The following DCPS variants were observed in gnomAD, a reference collection of about 807,000 sequenced individuals.
DCPS encodes the protein m7GpppX diphosphatase.
DCPS carries 27 observed loss-of-function variants against 34.7 expected under a neutral mutation model. The observed-to-expected ratio is 0.78, with a 90% CI of 0.57 to 1.07. The LOEUF is 1.07. DCPS is among the 50% of genes least tolerant of loss of function. The pLI is 0.00. For missense variants in DCPS, 464 were observed against 436.9 expected (o/e 1.06, Z -0.55); for synonymous variants, 185 against 185.7 (o/e 1.00, Z 0.03).
intron 2 of DCPS, among the ~76,000 whole-genome samples, chr11:126,308,520 TG>T (rs1208352354): frequency 6.6e-6 from 1 of 152,220 alleles, no homozygotes; most frequent in Non-Finnish European, 1.5e-5. Context: ...CCAGATTAAT[TG>T]GTGCAAGTTG....
chr11:126,343,157 G>A (rs892368252), intron 4 of DCPS, 150 bp from the exon 5 acceptor site: 29 of 608,258 alleles, frequency 4.8e-5, no homozygotes, highest in Admixed American at 3.7e-4. Context: ...CATCCCACAC[G>A]CCCGGGGTAT....
rs1458493331 is a variant in DCPS, at chr11:126,346,521, C to T, written c.*908C>T. Among the ~76,000 whole-genome samples the T allele has an allele frequency of 2.0e-5, 3 of 152,194 alleles. No individual in the cohort carries two copies. The highest frequency in any genetic ancestry group is 1.9e-4 in the East Asian group (1 of 5,192). On this transcript the variant is annotated 3_prime_UTR_variant, in exon 6 of 6. Transcript: ENST00000263579. This position sits in a 1 kb window ranked among gnomAD's most constrained non-coding sequence, Gnocchi z 4.1. ...TAGGCAGCCAACAGGGCTCAAGCGG[C>T]GCAGGGACATGGCTTGTATGGGCGG...
At chr11:126,306,918 G>A (rs749248229) in intron 2 of DCPS, among the ~76,000 whole-genome samples, 174 bp downstream of exon 2, 4 of 152,068 alleles carry the variant, frequency 2.6e-5, no homozygotes, top group Admixed American at 1.3e-4. Context: ...TGTCAGAATC[G>A]GGGGTGGTGG....
chr11:126,336,577 T>C lies in DCPS; in HGVS notation c.523-1709T>C, dbSNP rs1226325251. On this transcript the variant is annotated intron_variant, in intron 3 of 5. Coordinates refer to ENST00000263579, the MANE Select transcript of DCPS (RefSeq NM_014026.6). This position sits in a 1 kb window ranked among gnomAD's most constrained non-coding sequence, Gnocchi z 6.3. ...ACTAGTCACAGGCAGATGCCCCTTT[T>C]CTGTGAATCAGGGACTGGCCGTGGG... 1 of 152,246 alleles carries C rather than the reference T, an allele frequency of 6.6e-6. No individual in the cohort carries two copies. The highest frequency in any genetic ancestry group is 1.5e-5 in the Non-Finnish European group (1 of 68,082). The allele number at this position is 152,246 out of a possible 1,614,324, so 9.4% of individuals were successfully genotyped here. A position where few individuals can be genotyped will look rare whatever the true frequency, so the allele number is the denominator to read the frequency against.
Position 126,347,091 on chromosome 11 carries a change from T to TA in DCPS, c.*1485dup, listed in dbSNP as rs1288726072. 1.3e-5 allele frequency among the ~76,000 whole-genome samples: 2 copies of TA among 151,490 alleles called. No homozygotes were observed. The highest frequency in any genetic ancestry group is 2.0e-4 in the East Asian group (1 of 5,086). ...AAGACTCCCTCTCAGAAAAAAAAAT[T>TA]AAAAAAATAGAAACAGCCGGGGAGT... On this transcript the variant is annotated 3_prime_UTR_variant, in exon 6 of 6. Coordinates refer to ENST00000263579, the MANE Select transcript of DCPS (RefSeq NM_014026.6). The surrounding 1 kb of genome is among the most constrained non-coding windows in gnomAD (Gnocchi z 4.2).
chr11:126,328,261 C>CTGT lies in DCPS; in HGVS notation c.377-3143_377-3141dup, dbSNP rs910115438. On this transcript the variant is annotated intron_variant, in intron 2 of 5. Transcript: ENST00000263579. The surrounding 1 kb of genome is among the most constrained non-coding windows in gnomAD (Gnocchi z 6.6). ...TAGTCCACGGCAGGAAGCGCGGGAGCTGTGGAGCAGGGGACAGTTTGAGGG... is the reference window on the plus strand; with the variant it reads ...TAGTCCACGGCAGGAAGCGCGGGAGCTGTTGTGGAGCAGGGGACAGTTTGAGGG... 1.3e-5 allele frequency among the ~76,000 whole-genome samples: 2 copies of CTGT among 152,148 alleles called. No homozygotes were observed. The highest frequency in any genetic ancestry group is 4.8e-5 in the African/African-American group (2 of 41,436).
rs112209917 is a variant in DCPS, at chr11:126,333,865, T to TTC, written c.522+2341_522+2342dup. ...ACGCTTCAGGGAGTGGAGCTGGGAA[T>TTC]TCTCTCTCTCTCTCTCTCTCTCTCT... On this transcript the variant is annotated intron_variant, in intron 3 of 5. Coordinates refer to ENST00000263579, the MANE Select transcript of DCPS (RefSeq NM_014026.6). This position sits in a 1 kb window ranked among gnomAD's most constrained non-coding sequence, Gnocchi z 5.7. 0.014 allele frequency among the ~76,000 whole-genome samples: 2,138 copies of TTC among 149,098 alleles called. 20 individuals carry two copies. The highest frequency in any genetic ancestry group is 0.021 in the African/African-American group (856 of 40,578).
At position 126,312,544 on chromosome 11, in the gene DCPS, T is replaced by C. The variant is rs1246630256; in HGVS notation, c.376+5800T>C. 2.0e-5 allele frequency among the ~76,000 whole-genome samples: 3 copies of C among 152,036 alleles called. No individual in the cohort carries two copies. Among genetic ancestry groups the C allele is most frequent in the African/African-American group, 7.2e-5 (3 of 41,400 alleles). On this transcript the variant is annotated intron_variant, in intron 2 of 5. Coordinates refer to ENST00000263579, the MANE Select transcript of DCPS (RefSeq NM_014026.6). This position sits in a 1 kb window ranked among gnomAD's most constrained non-coding sequence, Gnocchi z 5.1. Reference sequence around the variant, plus strand: ...TTAATAGAGATGGGTTTTCACCACGTTGGCCAGGCTGGTCTCAAACTCCTG... The same window carrying C: ...TTAATAGAGATGGGTTTTCACCACGCTGGCCAGGCTGGTCTCAAACTCCTG...
intron 1 of DCPS, 21 bp downstream of exon 1, chr11:126,304,302 G>C (rs1438056080): frequency 1.2e-6 from 2 of 1,613,192 alleles, no homozygotes; most frequent in Non-Finnish European, 1.7e-6. Context: ...GCAACCCTGA[G>C]GTGGGATGCG....
At position 126,331,506 on chromosome 11, in the gene DCPS, A is replaced by G. The variant is rs1255776562; in HGVS notation, c.478A>G (p.Asn160Asp). 2 of 1,614,110 alleles carry G rather than the reference A, an allele frequency of 1.2e-6. No homozygotes were observed. Among genetic ancestry groups the G allele is most frequent in the Non-Finnish European group, 1.7e-6 (2 of 1,180,020 alleles). ...LIRETGDDYR[N>D]ITLPHLESQS... ...CCGAGAGACGGGAGATGACTACAGGAATATTACTTTACCCCACCTGGAGTC... is the reference window on the plus strand; with the variant it reads ...CCGAGAGACGGGAGATGACTACAGGGATATTACTTTACCCCACCTGGAGTC... Residue 160 changes from asparagine to aspartate, a missense_variant, in exon 3 of 6, where the codon AAT (asparagine) becomes GAT (aspartate). Coordinates refer to ENST00000263579, the MANE Select transcript of DCPS (RefSeq NM_014026.6). This position sits in a 1 kb window ranked among gnomAD's most constrained non-coding sequence, Gnocchi z 7.2.
In DCPS at chr11:126,334,552, C is replaced by T. The variant is rs1951816844; in HGVS notation, c.522+3002C>T. 6.6e-6 allele frequency among the ~76,000 whole-genome samples: 1 copy of T among 152,112 alleles called. No homozygotes were observed. Among genetic ancestry groups the T allele is most frequent in the African/African-American group, 2.4e-5 (1 of 41,410 alleles). On this transcript the variant is annotated intron_variant, in intron 3 of 5. Coordinates refer to ENST00000263579, the MANE Select transcript of DCPS (RefSeq NM_014026.6). This position sits in a 1 kb window ranked among gnomAD's most constrained non-coding sequence, Gnocchi z 5.5. ...AGAGACGGAGTTTCACCATGTTGGC[C>T]AGGCTGGTCTCAAACTCCTGACCTC...
At position 126,325,433 on chromosome 11, in the gene DCPS, T is replaced by A. The variant is rs1951732660; in HGVS notation, c.377-5972T>A. Among the ~76,000 whole-genome samples, 1 of 152,126 alleles carries A rather than the reference T, an allele frequency of 6.6e-6. No individual in the cohort carries two copies. Among genetic ancestry groups the A allele is most frequent in the Admixed American group, 6.5e-5 (1 of 15,276 alleles). ...CATGTGTGTGCATTTGGTGAAGGGATGGTAAAAAGAGATAAATTCTCATCT... is the reference window on the plus strand; with the variant it reads ...CATGTGTGTGCATTTGGTGAAGGGAAGGTAAAAAGAGATAAATTCTCATCT... On this transcript the variant is annotated intron_variant, in intron 2 of 5. Coordinates refer to ENST00000263579, the MANE Select transcript of DCPS (RefSeq NM_014026.6). This position sits in a 1 kb window ranked among gnomAD's most constrained non-coding sequence, Gnocchi z 4.3.
rs1229980101 is a variant in DCPS, at chr11:126,347,223, CTTTTTTTTTTT to C, written c.*1620_*1630del. Among the ~76,000 whole-genome samples, 1 of 122,750 alleles carries C rather than the reference CTTTTTTTTTTT, an allele frequency of 8.1e-6. No individual in the cohort carries two copies. Among genetic ancestry groups the C allele is most frequent in the Admixed American group, 8.2e-5 (1 of 12,136 alleles). The allele number at this position is 122,750 out of a possible 152,430, so 80.5% of individuals were successfully genotyped here. A position where few individuals can be genotyped will look rare whatever the true frequency, so the allele number is the denominator to read the frequency against. ...CACTCAGCCATTCTTCCCTGCAGCT[CTTTTTTTTTTT>C]TTTTTTTTTGAGACAATCTCGCTCC... On this transcript the variant is annotated 3_prime_UTR_variant, in exon 6 of 6. Coordinates refer to ENST00000263579, the MANE Select transcript of DCPS (RefSeq NM_014026.6). The surrounding 1 kb of genome is among the most constrained non-coding windows in gnomAD (Gnocchi z 4.2).
chr11:126,343,162 G>T, intron 4 of DCPS, 145 bp from the exon 5 acceptor site: 2 of 657,544 alleles, frequency 3.0e-6, no homozygotes, highest in Non-Finnish European at 5.5e-6. Flanking sequence ...CACACGCCCG[G>T]GGTATGCAGA....
chr11:126,345,660 T>C lies in DCPS; in HGVS notation c.*47T>C, dbSNP rs766219310. ...CAGATGTGTGGGATTGGGGGAGGAG[T>C]GGGGACAAGATTTTTTATCTCCAAG... On this transcript the variant is annotated 3_prime_UTR_variant, in exon 6 of 6. Coordinates refer to ENST00000263579, the MANE Select transcript of DCPS (RefSeq NM_014026.6). The surrounding 1 kb of genome is among the most constrained non-coding windows in gnomAD (Gnocchi z 7.4). 1 of 1,581,784 alleles carries C rather than the reference T, an allele frequency of 6.3e-7. No individual in the cohort carries two copies. The highest frequency in any genetic ancestry group is 2.3e-5 in the East Asian group (1 of 44,380).
At position 126,328,940 on chromosome 11, in the gene DCPS, A is replaced by G. The variant is rs1051021531; in HGVS notation, c.377-2465A>G. Among the ~76,000 whole-genome samples the G allele has an allele frequency of 6.6e-6, 1 of 152,250 alleles. No homozygotes were observed. Among genetic ancestry groups the G allele is most frequent in the Non-Finnish European group, 1.5e-5 (1 of 68,048 alleles). ...TTGTAGAAGTCAGGAGACTGAAGCC[A>G]CAGACAGTGTCAGTCACTAGCCTGA... is the stretch of plus-strand genomic sequence containing the variant. On this transcript the variant is annotated intron_variant, in intron 2 of 5. Coordinates refer to ENST00000263579, the MANE Select transcript of DCPS (RefSeq NM_014026.6). This position sits in a 1 kb window ranked among gnomAD's most constrained non-coding sequence, Gnocchi z 6.6.
At position 126,327,656 on chromosome 11, in the gene DCPS, G is replaced by A. The variant is rs1328646939; in HGVS notation, c.377-3749G>A. ...TAAACACCAGCGTTCATTGTTTTTT[G>A]GCTGCCATCGTAAACCTTAGCATTA... is the stretch of plus-strand genomic sequence containing the variant. On this transcript the variant is annotated intron_variant, in intron 2 of 5. Transcript: ENST00000263579. This position sits in a 1 kb window ranked among gnomAD's most constrained non-coding sequence, Gnocchi z 4.1. 6.7e-6 allele frequency among the ~76,000 whole-genome samples: 1 copy of A among 149,048 alleles called. No homozygotes were observed. The highest frequency in any genetic ancestry group is 2.1e-4 in the South Asian group (1 of 4,722).
Position 126,329,245 on chromosome 11 carries a change from TTG to T in DCPS, c.377-2157_377-2156del, listed in dbSNP as rs1224821713. Among the ~76,000 whole-genome samples, 1 of 151,892 alleles carries T rather than the reference TTG, an allele frequency of 6.6e-6. No homozygotes were observed. The highest frequency in any genetic ancestry group is 1.5e-5 in the Non-Finnish European group (1 of 67,946). On this transcript the variant is annotated intron_variant, in intron 2 of 5. Coordinates refer to ENST00000263579, the MANE Select transcript of DCPS (RefSeq NM_014026.6). The surrounding 1 kb of genome is among the most constrained non-coding windows in gnomAD (Gnocchi z 5.0). ...GAGTCTTTTGCTGCTCCTCAGAGAG[TTG>T]TGAGGAGGCCTTCATGCCCCTTTTT...
intron 2 of DCPS, among the ~76,000 whole-genome samples, chr11:126,318,941 G>C (rs955942028): frequency 6.6e-6 from 1 of 152,218 alleles, no homozygotes; most frequent in African/African-American, 2.4e-5. Context: ...CAGAGAGGCA[G>C]CTGCTCTTAA....
Sources: gnomAD v4.1 joint callset for allele counts (sites outside exome capture counted in the v4.1 genomes callset) on GRCh38, gnomAD v4.1.1 for gene constraint, Gnocchi (gnomAD v3.1) non-coding constraint, MANE v1.5 for transcripts, NCBI Gene and HGNC (gene_info 2026-07-23, HGNC 2026-07-21) for gene names.